The following SERPINB7 variants were observed in gnomAD, a reference collection of about 807,000 sequenced individuals.
The protein encoded by SERPINB7 is serpin B7.
A neutral mutation model predicts 37.4 loss-of-function variants in SERPINB7; 31 were observed. The ratio of observed to expected loss-of-function variants is 0.83; its 90% CI spans 0.62 to 1.12. The LOEUF (loss-of-function observed/expected upper bound fraction) is 1.12, where lower values mean the gene tolerates loss of function less well. SERPINB7 is among the 50% of genes most tolerant of loss of function. The pLI, the probability that SERPINB7 is intolerant of heterozygous loss-of-function variation, is 0.00. For synonymous variants in SERPINB7, 163 were observed against 166.1 expected (o/e 0.98, Z 0.14); for missense variants, 521 against 455.3 (o/e 1.14, Z -1.31).
chr18:63,801,332 C>A (rs184947600), intron 7 of SERPINB7, among the ~76,000 whole-genome samples: 1 of 152,140 alleles, frequency 6.6e-6, no homozygotes. Flanking sequence ...CAGTCTTCTA[C>A]GTGTCATTGA....
rs1555694240 is a variant in SERPINB7 at position 63,783,283 on chromosome 18, A to AAAGAAAGAAAGG, written c.168+754_168+755insGAAGAAAGAAAG. On this transcript the variant is annotated intron_variant, in intron 2 of 7. Transcript: ENST00000398019. ...GAAAGAAAGAAAGAAAGAAAGAAAG[A>AAAGAAAGAAAGG]AAGAAAGAAAGAAATGCAAATGCTT... Among the ~76,000 whole-genome samples, 616 of 122,046 alleles carry AAAGAAAGAAAGG rather than the reference A, an allele frequency of 5.0e-3. 41 individuals carry two copies. The highest frequency in any genetic ancestry group is 0.011 in the African/African-American group (356 of 31,194). 80.1% of individuals were successfully genotyped at this position (122,046 alleles called of 152,430 possible). A position where few individuals can be genotyped will look rare whatever the true frequency, so the allele number is the denominator to read the frequency against.
upstream of SERPINB7, among the ~76,000 whole-genome samples, chr18:63,771,658 C>A (rs1026995379): frequency 3.3e-5 from 5 of 151,962 alleles, no homozygotes; most frequent in Admixed American, 1.3e-4. Context: ...TTTATTACTC[C>A]AAAAATAGTC....
intron 3 of SERPINB7, 23 bp from the exon 4 acceptor site, chr18:63,793,138 T>C (rs2049446743): frequency 7.5e-7 from 1 of 1,339,910 alleles, no homozygotes; most frequent in East Asian, 2.3e-5. Context: ...AAAATAAATT[T>C]TTATACATCT....
At chr18:63,804,140 G>T in intron 7 of SERPINB7, 97 bp from the exon 8 acceptor site, 4 of 872,072 alleles carry the variant, frequency 4.6e-6, no homozygotes, top group Non-Finnish European at 6.8e-6. Flanking sequence ...AAATATCCAG[G>T]AAGCGATAAT....
intron 7 of SERPINB7, among the ~76,000 whole-genome samples, chr18:63,803,461 T>C (rs2049571292): frequency 6.6e-6 from 1 of 152,206 alleles, no homozygotes; most frequent in South Asian, 2.1e-4. Flanking sequence ...CTAAACAATG[T>C]TTATGAAAAA....
At chr18:63,755,479 T>G (rs1014384270) in intron 1 of SERPINB7, among the ~76,000 whole-genome samples, 1 of 152,178 alleles carries the variant, frequency 6.6e-6, no homozygotes, top group Non-Finnish European at 1.5e-5. Context: ...TTTGTTTCAG[T>G]AGCAGACACT....
At chr18:63,795,687 T>C (rs2049480601) in intron 4 of SERPINB7, among the ~76,000 whole-genome samples, 1 of 151,840 alleles carries the variant, frequency 6.6e-6, no homozygotes, top group Non-Finnish European at 1.5e-5. Context: ...GACATAATCA[T>C]GAGCTATATG....
upstream of SERPINB7, among the ~76,000 whole-genome samples, chr18:63,772,611 C>G (rs144059976): frequency 6.6e-6 from 1 of 152,070 alleles, no homozygotes; most frequent in East Asian, 1.9e-4. Flanking sequence ...AAGTTGAAAT[C>G]CTGAGGTAGA....
intron 7 of SERPINB7, among the ~76,000 whole-genome samples, 164 bp from the exon 8 acceptor site, chr18:63,804,073 C>T (rs990574006): frequency 6.6e-6 from 1 of 152,126 alleles, no homozygotes; most frequent in Non-Finnish European, 1.5e-5. Flanking sequence ...TTGAGCTATT[C>T]ATTTTATTCA....
intron 1 of SERPINB7, among the ~76,000 whole-genome samples, chr18:63,764,458 A>C (rs1283718277): frequency 6.6e-6 from 1 of 152,142 alleles, no homozygotes; most frequent in Non-Finnish European, 1.5e-5. Context: ...TGCTGAGTGG[A>C]GAGTCAAGAG....
At position 63,787,805 on chromosome 18, in the gene SERPINB7, G is replaced by A. The variant is rs114907644; in HGVS notation, c.169-4588G>A. Among the ~76,000 whole-genome samples, 320 of 152,220 alleles carry A rather than the reference G, an allele frequency of 2.1e-3. 1 individual carries two copies. Among genetic ancestry groups the A allele is most frequent in the African/African-American group, 7.3e-3 (303 of 41,528 alleles). ...ACATGAATTACTACATTCTTTTTAC[G>A]AGGTACAGTCACAGTCCACATAATG... On this transcript the variant is annotated intron_variant, in intron 2 of 7. Transcript: ENST00000398019.
chr18:63,754,888 T>TTC (rs1440157695), intron 1 of SERPINB7, among the ~76,000 whole-genome samples: 1 of 123,602 alleles, frequency 8.1e-6, no homozygotes, highest in Non-Finnish European at 1.7e-5. Flanking sequence ...GTCTTTTTTT[T>TTC]TTTTTTTTTT....
intron 1 of SERPINB7, among the ~76,000 whole-genome samples, chr18:63,755,469 T>C (rs1506415): frequency 0.93 from 141,246 of 152,210 alleles, 66,032 homozygotes; most frequent in East Asian, 0.99. Flanking sequence ...TCATAACTAG[T>C]TTGTTTCAGT....
At chr18:63,780,184 T>C (rs1396915856) in intron 1 of SERPINB7, among the ~76,000 whole-genome samples, 1 of 152,190 alleles carries the variant, frequency 6.6e-6, no homozygotes, top group Non-Finnish European at 1.5e-5. Context: ...CCAAGAACAA[T>C]TCATTTCATT....
chr18:63,788,608 G>A (rs1029355352), intron 2 of SERPINB7, among the ~76,000 whole-genome samples: 8 of 152,106 alleles, frequency 5.3e-5, no homozygotes, highest in African/African-American at 1.2e-4. Context: ...AGTCTACAGC[G>A]GTGTACAGTA....
At position 63,798,609 on chromosome 18, in the gene SERPINB7, A is replaced by G. The variant is rs968030154; in HGVS notation, c.460A>G (p.Ile154Val). 13 of 1,551,240 alleles carry G rather than the reference A, an allele frequency of 8.4e-6. No homozygotes were observed. The highest frequency in any genetic ancestry group is 1.4e-5 in the African/African-American group (1 of 72,196). The change falls in exon 6 of 8, where the codon ATC becomes GTC. Residue 154 changes from isoleucine (I) to valine (V), a missense_variant. By Grantham distance (29) the Ile-to-Val change is conservative. Transcript: ENST00000398019. ...KWVENETHGK[I>V]KNVIGEGGIS... Reference sequence around the variant, plus strand: ...CTCAATTTTTTTTTCAAAAGGCAAAATCAAGAACGTGATTGGTGAAGGTGG... The same window carrying G: ...CTCAATTTTTTTTTCAAAAGGCAAAGTCAAGAACGTGATTGGTGAAGGTGG...
Position 63,769,789 on chromosome 18 carries a change from AACAGTGGTGAAC to A in SERPINB7, c.-18-12565_-18-12554del, listed in dbSNP as rs2049199960. ...TCTGTTCATTTTCACAGATTAATGG[AACAGTGGTGAAC>A]TCAGGACTTCATATACAAATTTAAA... is the stretch of plus-strand genomic sequence containing the variant. On this transcript the variant is annotated intron_variant, in intron 1 of 7. Coordinates refer to the SERPINB7 transcript ENST00000336429. Among the ~76,000 whole-genome samples the A allele has an allele frequency of 3.3e-5, 5 of 152,188 alleles. No homozygotes were observed. The South Asian group carries it at 1.0e-3, about 32-fold the overall frequency.
Position 63,793,282 on chromosome 18 carries a change from G to A in SERPINB7, c.336+5G>A, listed in dbSNP as rs1188269549. ...AAAGTGTATGGCTTTCATAAGGTAA[G>A]TGAAACTGCCTTTGTTAGAAGGACC... On this transcript the variant is annotated splice_donor_5th_base_variant and intron_variant, in intron 4 of 7. Coordinates refer to ENST00000398019, the MANE Select transcript of SERPINB7 (RefSeq NM_003784.4). 6.8e-7 allele frequency: 1 copy of A among 1,464,216 alleles called. No homozygotes were observed. Among genetic ancestry groups the A allele is most frequent in the East Asian group, 2.3e-5 (1 of 43,726 alleles). 90.7% of individuals were successfully genotyped at this position (1,464,216 alleles called of 1,614,324 possible).
rs75400001 is a variant in SERPINB7, at chr18:63,753,776, G to A, written c.-19+656G>A. Among the ~76,000 whole-genome samples the A allele has an allele frequency of 8.6e-3, 1,303 of 152,142 alleles. 73 individuals carry two copies. In the East Asian group the frequency reaches 0.15, roughly 18 times the overall value. ...TAGCAACAATTTTGAGAGGTTTGAG[G>A]TTTCAAAAAAATTTTTTAGTAATAT... is the stretch of plus-strand genomic sequence containing the variant. On this transcript the variant is annotated intron_variant, in intron 1 of 7. Transcript: ENST00000336429.
Sources: allele counts gnomAD v4.1 joint callset (sites outside exome capture counted in the v4.1 genomes callset), GRCh38; gene constraint gnomAD v4.1.1; transcripts MANE v1.5; gene names NCBI Gene and HGNC (gene_info 2026-07-23, HGNC 2026-07-21).